FAF1: variants seen among roughly 807,000 people sequenced by gnomAD.
The protein encoded by FAF1 is Fas associated factor 1, also known as FAS-associated factor 1.
A neutral mutation model predicts 92.5 loss-of-function variants in FAF1; 25 were observed. The ratio of observed to expected loss-of-function variants is 0.27; its 90% confidence interval spans 0.20 to 0.38. The LOEUF is 0.38. Among genes scored for constraint, FAF1 ranks in the 10% least tolerant of loss-of-function variants. The pLI, the probability that FAF1 is intolerant of heterozygous loss-of-function variation, is 1.00. For synonymous variants in FAF1, 234 were observed against 273.2 expected, an observed-to-expected ratio of 0.86 and a Z score of 1.42; for missense variants, 636 against 793.3, an observed-to-expected ratio of 0.80 and a Z score of 2.38.
At chr1:50,499,775 G>A (rs1022405605) in intron 15 of FAF1, among the ~76,000 whole-genome samples, 2 of 151,868 alleles carry the variant, frequency 1.3e-5, no homozygotes, top group South Asian at 2.1e-4. Flanking sequence ...GTCAAGTGAC[G>A]CAGTGGGAGT....
chr1:50,639,421 C>G (rs1654214061), intron 8 of FAF1, among the ~76,000 whole-genome samples: 1 of 152,170 alleles, frequency 6.6e-6, no homozygotes, highest in South Asian at 2.1e-4. Flanking sequence ...AGATTTTTAT[C>G]ATGAATGTAT....
At chr1:50,691,747 C>T (rs574481929) in intron 7 of FAF1, among the ~76,000 whole-genome samples, 34 of 152,278 alleles carry the variant, frequency 2.2e-4, no homozygotes, top group African/African-American at 7.2e-4. Context: ...TGCACCACCA[C>T]GCCCGGCTAA....
At chr1:50,605,299 G>T (rs778090839) in intron 8 of FAF1, among the ~76,000 whole-genome samples, 4 of 152,110 alleles carry the variant, frequency 2.6e-5, no homozygotes, top group African/African-American at 9.7e-5. Flanking sequence ...ATTGATTTTA[G>T]TGAGTACACT....
intron 1 of FAF1, among the ~76,000 whole-genome samples, chr1:50,879,105 G>C (rs971118924): frequency 6.6e-6 from 1 of 152,148 alleles, no homozygotes; most frequent in Non-Finnish European, 1.5e-5. Flanking sequence ...ACTTAGCCGG[G>C]TGTATGGTGG....
intron 5 of FAF1, among the ~76,000 whole-genome samples, chr1:50,743,313 ATATTTTTATT>A (rs1001728114): frequency 2.6e-5 from 4 of 152,118 alleles, no homozygotes; most frequent in Non-Finnish European, 4.4e-5. Flanking sequence ...TGAAGTTTTT[ATATTTTTATT>A]TATTTTTATT....
chr1:50,891,466 C>T (rs902967028), intron 1 of FAF1, among the ~76,000 whole-genome samples: 6 of 152,278 alleles, frequency 3.9e-5, no homozygotes, highest in Non-Finnish European at 7.3e-5. Flanking sequence ...AGCTTTTCTG[C>T]TCTGGTTTCT....
intron 15 of FAF1, among the ~76,000 whole-genome samples, chr1:50,507,093 TA>T (rs1647068514): frequency 1.3e-5 from 2 of 152,212 alleles, no homozygotes; most frequent in African/African-American, 4.8e-5. Flanking sequence ...TTTTGTAACA[TA>T]ATCTACATGC....
chr1:50,457,191 G>A (rs1344777581), intron 18 of FAF1, among the ~76,000 whole-genome samples: 2 of 151,950 alleles, frequency 1.3e-5, no homozygotes, highest in South Asian at 2.1e-4. Context: ...GAATCTTCAG[G>A]TTTGGGATTC....
intron 6 of FAF1, among the ~76,000 whole-genome samples, chr1:50,722,646 C>CAAA (rs58511862): frequency 0.022 from 1,432 of 65,656 alleles, 49 homozygotes; most frequent in African/African-American, 0.071. Context: ...GCGACAGTCT[C>CAAA]AAAAAAAAAA....
At chr1:50,674,920 G>A (rs190077034) in intron 7 of FAF1, among the ~76,000 whole-genome samples, 5 of 144,346 alleles carry the variant, frequency 3.5e-5, no homozygotes, top group African/African-American at 5.4e-5. Context: ...ATGCAGTTTC[G>A]CTCTTTGTTG....
At chr1:50,530,701 T>C (rs986585884) in intron 15 of FAF1, among the ~76,000 whole-genome samples, 1 of 152,200 alleles carries the variant, frequency 6.6e-6, no homozygotes, top group Admixed American at 6.5e-5. Context: ...TTCTCCATGA[T>C]GTGCTTATTT....
rs959262906 is a variant in FAF1 at position 50,890,373 on chromosome 1, T to A, written c.46-32376A>T. On this transcript the variant is annotated intron_variant, in intron 1 of 18. Coordinates refer to ENST00000396153, the MANE Select transcript of FAF1 (RefSeq NM_007051.3). Reference sequence around the variant, plus strand: ...TTAGCCCATTTACATTTAAGGTTAATATTGTTATGTGTGAATTTGATCCTG... The same window carrying A: ...TTAGCCCATTTACATTTAAGGTTAAAATTGTTATGTGTGAATTTGATCCTG... Among the ~76,000 whole-genome samples the A allele has an allele frequency of 5.1e-4, 77 of 152,358 alleles. 1 individual carries two copies. Among genetic ancestry groups the A allele is most frequent in the Non-Finnish European group, 8.7e-4 (59 of 68,042 alleles).
chr1:50,843,439 T>C (rs910950186), intron 2 of FAF1, among the ~76,000 whole-genome samples: 3 of 152,134 alleles, frequency 2.0e-5, no homozygotes, highest in Non-Finnish European at 2.9e-5. Context: ...CAATAAATTA[T>C]TGTTAATCAT....
intron 8 of FAF1, among the ~76,000 whole-genome samples, chr1:50,601,036 G>C (rs1395836153): frequency 6.6e-6 from 1 of 152,096 alleles, no homozygotes; most frequent in East Asian, 1.9e-4. Context: ...GTGAACTGCT[G>C]AACTATGTAA....
At chr1:50,585,197 G>T (rs1651167870) in intron 9 of FAF1, among the ~76,000 whole-genome samples, 1 of 152,180 alleles carries the variant, frequency 6.6e-6, no homozygotes, top group Admixed American at 6.5e-5. Flanking sequence ...ATATTTGGCA[G>T]GTGGAGGCAA....
intron 8 of FAF1, among the ~76,000 whole-genome samples, chr1:50,609,529 C>T (rs1652595787): frequency 6.6e-6 from 1 of 152,140 alleles, no homozygotes; most frequent in Non-Finnish European, 1.5e-5. Flanking sequence ...ATACTACAGG[C>T]ACATGCCACC....
At chr1:50,905,928 G>A (rs1231762157) in intron 1 of FAF1, among the ~76,000 whole-genome samples, 1 of 152,120 alleles carries the variant, frequency 6.6e-6, no homozygotes, top group African/African-American at 2.4e-5. Flanking sequence ...ATTGCTTTTG[G>A]TGTTTTAGTC....
At chr1:50,841,430 G>C (rs1270043460) in intron 2 of FAF1, among the ~76,000 whole-genome samples, 1 of 152,074 alleles carries the variant, frequency 6.6e-6, no homozygotes, top group Admixed American at 6.5e-5. Flanking sequence ...TGTAGTGTAA[G>C]ATGGTGACTT....
intron 1 of FAF1, among the ~76,000 whole-genome samples, chr1:50,915,387 AG>A (rs1644912817): frequency 1.3e-5 from 2 of 151,736 alleles, no homozygotes; most frequent in Non-Finnish European, 2.9e-5. Flanking sequence ...AAAAAAAAAA[AG>A]AACAACTTAC....
Sources: gnomAD v4.1 joint callset for allele counts (sites outside exome capture counted in the v4.1 genomes callset) on GRCh38, gnomAD v4.1.1 for gene constraint, MANE v1.5 for transcripts, NCBI Gene and HGNC (gene_info 2026-07-23, HGNC 2026-07-21) for gene names.